Variants in PTK2 observed in about 807,000 individuals in gnomAD.
PTK2 encodes the protein protein tyrosine kinase 2.
A neutral mutation model predicts 150.1 loss-of-function variants in PTK2; 45 were observed. The observed-to-expected ratio is 0.30, with a 90% CI of 0.24 to 0.38. The LOEUF is 0.38. Among genes scored for constraint, PTK2 ranks in the 10% least tolerant of loss-of-function variants. The pLI is 1.00. For missense variants in PTK2, 919 were observed against 1,307.3 expected, an observed-to-expected ratio of 0.70 and a Z score of 4.58; for synonymous variants, 432 against 449.2, an observed-to-expected ratio of 0.96 and a Z score of 0.48.
chr8:140,855,464 G>A (rs1243321788), intron 5 of PTK2, among the ~76,000 whole-genome samples: 3 of 152,110 alleles, frequency 2.0e-5, no homozygotes, highest in Non-Finnish European at 4.4e-5. Flanking sequence ...GTATGGTGGC[G>A]GGCGACTGTA....
chr8:140,811,673 A>G (rs376955440), intron 10 of PTK2, among the ~76,000 whole-genome samples: 4 of 152,228 alleles, frequency 2.6e-5, no homozygotes, highest in East Asian at 1.9e-4. Flanking sequence ...ATCACAATAA[A>G]ACAATACAGG....
intron 1 of PTK2, among the ~76,000 whole-genome samples, chr8:140,985,485 T>C (rs551712971): frequency 1.3e-5 from 2 of 152,254 alleles, no homozygotes; most frequent in African/African-American, 4.8e-5. Flanking sequence ...GAAATCAAAT[T>C]TAAGATGCTT....
At chr8:140,963,225 G>A (rs189737546) in intron 1 of PTK2, among the ~76,000 whole-genome samples, 3 of 151,936 alleles carry the variant, frequency 2.0e-5, no homozygotes, top group East Asian at 3.9e-4. Context: ...TTCTTTCCAC[G>A]AGCTATACTC....
intron 27 of PTK2, among the ~76,000 whole-genome samples, chr8:140,681,093 G>A (rs552682875): frequency 9.5e-4 from 145 of 152,300 alleles, no homozygotes; most frequent in African/African-American, 3.0e-3. Context: ...AGCTGGGCGC[G>A]GTTGCTCACG....
chr8:140,784,067 G>A (rs1314328948), intron 14 of PTK2, among the ~76,000 whole-genome samples: 1 of 152,160 alleles, frequency 6.6e-6, no homozygotes, highest in Non-Finnish European at 1.5e-5. Flanking sequence ...GGAGGCAGAG[G>A]CAGAGGCAGG....
At chr8:140,725,971 G>C (rs1399533801) in intron 22 of PTK2, among the ~76,000 whole-genome samples, 1 of 151,986 alleles carries the variant, frequency 6.6e-6, no homozygotes, top group South Asian at 2.1e-4. Context: ...TTATATTCAA[G>C]GGTATAAAAG....
chr8:140,949,427 C>G (rs1242524565), intron 1 of PTK2, among the ~76,000 whole-genome samples: 1 of 152,184 alleles, frequency 6.6e-6, no homozygotes, highest in Admixed American at 6.5e-5. Flanking sequence ...ACAGCTGCAG[C>G]CTCCTAGCCT....
At chr8:140,948,038 C>T (rs2100178288) in intron 1 of PTK2, among the ~76,000 whole-genome samples, 1 of 152,238 alleles carries the variant, frequency 6.6e-6, no homozygotes, top group African/African-American at 2.4e-5. Context: ...AAGCAAAGTA[C>T]TTCAGTTCTG....
At chr8:140,744,620 G>C (rs528499980) in intron 19 of PTK2, 32 bp downstream of exon 22, 1 of 1,378,662 alleles carries the variant, frequency 7.3e-7, no homozygotes, top group East Asian at 2.3e-5. Context: ...CTTTTCAGAA[G>C]GGAACTTAAC....
chr8:140,662,705 G>A (rs1322515368), intron 31 of PTK2: 1 of 594,816 alleles, frequency 1.7e-6, no homozygotes, highest in Non-Finnish European at 3.2e-6. Context: ...ATGTCCAGTT[G>A]GTCAACTGGA....
rs34554819 is a variant in PTK2 at position 140,935,702 on chromosome 8, C to CTTTTTTTTTTTTTTTTTTTTTTTTTTTT, written c.-121-9954_-121-9953insAAAAAAAAAAAAAAAAAAAAAAAAAAAA. 7.3e-5 allele frequency among the ~76,000 whole-genome samples: 9 copies of CTTTTTTTTTTTTTTTTTTTTTTTTTTTT among 123,864 alleles called. 1 individual carries two copies. Among genetic ancestry groups the CTTTTTTTTTTTTTTTTTTTTTTTTTTTT allele is most frequent in the African/African-American group, 2.7e-4 (9 of 32,988 alleles). 81.3% of individuals were successfully genotyped at this position (123,864 alleles called of 152,430 possible). ...ATCTCAATGCTCAGTATGTCCTCAT[C>CTTTTTTTTTTTTTTTTTTTTTTTTTTTT]TTTTTTTTTTTTTTTGAGACAGAGT... On this transcript the variant is annotated intron_variant, in intron 1 of 31. Coordinates refer to ENST00000522684, the Ensembl canonical transcript of PTK2.
intron 16 of PTK2, among the ~76,000 whole-genome samples, chr8:140,753,994 C>T (rs191633900): frequency 1.3e-5 from 2 of 152,312 alleles, no homozygotes. Flanking sequence ...AGTTAGCTGT[C>T]GCATACTTTC....
At chr8:140,664,274 G>C (rs1312703902) in intron 31 of PTK2, among the ~76,000 whole-genome samples, 2 of 152,118 alleles carry the variant, frequency 1.3e-5, no homozygotes, top group African/African-American at 4.8e-5. Context: ...GAGCCACTGC[G>C]CCTGGCCTGG....
chr8:140,920,923 C>T (rs2100167141), intron 2 of PTK2: 2 of 1,502,338 alleles, frequency 1.3e-6, no homozygotes, highest in African/African-American at 2.8e-5. Flanking sequence ...TACACCCAAT[C>T]CTATAAAGAT....
chr8:140,837,796 C>T lies in PTK2; in HGVS notation c.594-7270G>A, dbSNP rs2100119684. Among the ~76,000 whole-genome samples the T allele has an allele frequency of 3.3e-5, 5 of 151,666 alleles. No individual in the cohort carries two copies. In the South Asian group the frequency reaches 8.3e-4, roughly 25 times the overall value. On this transcript the variant is annotated intron_variant, in intron 7 of 31. Coordinates refer to ENST00000522684, the Ensembl canonical transcript of PTK2. ...TAAAGCAGCTGGGCACGGTGGCTTACACCTGTAATCCTAGCACTTTAGAAG... is the reference window on the plus strand; with the variant it reads ...TAAAGCAGCTGGGCACGGTGGCTTATACCTGTAATCCTAGCACTTTAGAAG...
chr8:140,662,793 G>T, intron 31 of PTK2: 1 of 528,088 alleles, frequency 1.9e-6, no homozygotes, highest in South Asian at 2.8e-5. Flanking sequence ...TTCCTGACTG[G>T]AGATGCAAAA....
intron 1 of PTK2, among the ~76,000 whole-genome samples, chr8:140,990,593 A>G (rs2100195337): frequency 6.6e-6 from 1 of 151,964 alleles, no homozygotes. Context: ...CCACCATCTC[A>G]TTTCTATTAT....
intron 2 of PTK2, among the ~76,000 whole-genome samples, chr8:140,902,939 T>TTTTTTG (rs2100159255): frequency 1.4e-5 from 2 of 139,498 alleles, no homozygotes; most frequent in Admixed American, 7.3e-5. Flanking sequence ...TTTTTTTTTT[T>TTTTTTG]TTTTTTTTTT....
chr8:140,819,046 C>A, intron 8 of PTK2, 26 bp from the exon 9 acceptor site: 1 of 1,606,512 alleles, frequency 6.2e-7, no homozygotes, highest in South Asian at 1.1e-5. Flanking sequence ...ACCAAAACAT[C>A]TTGTAAAAAT....
Sources: allele counts gnomAD v4.1 joint callset (sites outside exome capture counted in the v4.1 genomes callset), GRCh38; gene constraint gnomAD v4.1.1; transcripts MANE v1.5; gene names NCBI Gene and HGNC (gene_info 2026-07-23, HGNC 2026-07-21).